Variants in NAT10 observed in about 807,000 individuals in gnomAD.
The protein encoded by NAT10 is N-acetyltransferase 10, also known as RNA cytidine acetyltransferase.
Under a neutral mutation model 132.2 loss-of-function variants are expected in NAT10, and 109 were observed. That is an observed-to-expected ratio of 0.82 (90% CI 0.71 to 0.97). The LOEUF is 0.97. Among genes scored for constraint, NAT10 ranks in the 50% least tolerant of loss-of-function variants. The pLI is 0.00. For missense variants in NAT10, 1,184 were observed against 1,263.4 expected (o/e 0.94, Z 0.95); for synonymous variants, 479 against 478.0 (o/e 1.00, Z -0.03).
Position 34,118,189 on chromosome 11 carries a change from G to T in NAT10, c.567G>T (p.Leu189=). The T allele has an allele frequency of 6.2e-7, 1 of 1,613,710 alleles. No individual in the cohort carries two copies. The highest frequency in any genetic ancestry group is 1.1e-5 in the South Asian group (1 of 91,074). Residue 189 remains leucine, a synonymous_variant, in exon 7 of 29, where the codon CTG becomes CTT. Coordinates refer to ENST00000257829, the MANE Select transcript of NAT10 (RefSeq NM_024662.3). ...VVGRFNERFI[L]SLASCKKCLV... is the part of the protein sequence containing the mutation. ...CGGTTTTGTATCTCAGGTTTATTCT[G>T]TCTCTGGCCTCTTGTAAGAAGTGTC... is the stretch of plus-strand genomic sequence containing the variant.
At chr11:34,141,408 T>TCTCA (rs72268617) in intron 25 of NAT10, among the ~76,000 whole-genome samples, 200 bp downstream of exon 25, 1,718 of 132,924 alleles carry the variant, frequency 0.013, 36 homozygotes, top group East Asian at 0.084. Context: ...TCATCACACA[T>TCTCA]CACACACACA....
intron 4 of NAT10, among the ~76,000 whole-genome samples, chr11:34,112,498 A>G (rs1851713100): frequency 6.6e-6 from 1 of 152,262 alleles, no homozygotes. Context: ...AAGCTGATAA[A>G]GCAAATGCCA....
rs1187837675 is a variant in NAT10 at position 34,110,556 on chromosome 11, T to TC, written c.201-1493dup. Among the ~76,000 whole-genome samples the TC allele has an allele frequency of 2.8e-3, 406 of 144,572 alleles. 1 individual carries two copies. Among genetic ancestry groups the TC allele is most frequent in the African/African-American group, 0.01 (393 of 37,970 alleles). 94.8% of individuals were successfully genotyped at this position (144,572 alleles called of 152,430 possible). On this transcript the variant is annotated intron_variant, in intron 3 of 28. Coordinates refer to ENST00000257829, the MANE Select transcript of NAT10 (RefSeq NM_024662.3). ...TGACTTACGTTCATTTTTTTTTCTT[T>TC]CCCTTTTTTTTTTTTTTTTTTTTTT...
chr11:34,134,731 C>T (rs914436398), intron 18 of NAT10, 145 bp downstream of exon 18: 4 of 428,330 alleles, frequency 9.3e-6, no homozygotes, highest in East Asian at 6.7e-5. Context: ...AGCCAGGGTT[C>T]GGGGTGGGTG....
chr11:34,116,267 T>C (rs146039911), intron 6 of NAT10, among the ~76,000 whole-genome samples: 113 of 152,112 alleles, frequency 7.4e-4, no homozygotes, highest in Middle Eastern at 6.8e-3. Context: ...ATAGTAAAAA[T>C]GATTAAGAGA....
At chr11:34,125,684 C>T (rs972022772) in intron 11 of NAT10, among the ~76,000 whole-genome samples, 3 of 152,162 alleles carry the variant, frequency 2.0e-5, no homozygotes, top group Non-Finnish European at 2.9e-5. Flanking sequence ...CAGGGTTGGC[C>T]GGGCATGGTG....
At chr11:34,115,655 G>A (rs1045654952) in intron 5 of NAT10, among the ~76,000 whole-genome samples, 168 bp from the exon 6 acceptor site, 1 of 152,244 alleles carries the variant, frequency 6.6e-6, no homozygotes, top group African/African-American at 2.4e-5. Context: ...TGCATTCAGT[G>A]TCTGATCCCA....
rs372627828 is a variant in NAT10 at position 34,139,505 on chromosome 11, G to T, written c.2419+10G>T. The T allele has an allele frequency of 1.2e-6, 2 of 1,609,972 alleles. No individual in the cohort carries two copies. The highest frequency in any genetic ancestry group is 1.7e-6 in the Non-Finnish European group (2 of 1,176,184). On this transcript the variant is annotated intron_variant, in intron 23 of 28. Transcript: ENST00000257829. Reference sequence around the variant, plus strand: ...AAGCCAGCCCAGCCTGGTGAGCCGGGTGGGGACAGGGAGGAGGGTTGGGAA... The same window carrying T: ...AAGCCAGCCCAGCCTGGTGAGCCGGTTGGGGACAGGGAGGAGGGTTGGGAA...
intron 25 of NAT10, 114 bp downstream of exon 25, chr11:34,141,322 CA>C: frequency 2.7e-6 from 1 of 365,464 alleles, no homozygotes; most frequent in African/African-American, 4.1e-5. Context: ...TGCATCTCGT[CA>C]CACACACACA....
At chr11:34,119,967 T>C (rs1246544331) in intron 8 of NAT10, among the ~76,000 whole-genome samples, 1 of 152,186 alleles carries the variant, frequency 6.6e-6, no homozygotes, top group African/African-American at 2.4e-5. Flanking sequence ...GAAATGCCTT[T>C]TTCTCTACAC....
At chr11:34,109,631 G>A (rs1314743412) in intron 3 of NAT10, among the ~76,000 whole-genome samples, 4 of 152,202 alleles carry the variant, frequency 2.6e-5, no homozygotes. Flanking sequence ...TGGTAGTCAA[G>A]ACTTTTAGTC....
chr11:34,126,723 G>T (rs1852000101), intron 11 of NAT10, among the ~76,000 whole-genome samples: 1 of 152,150 alleles, frequency 6.6e-6, no homozygotes, highest in Non-Finnish European at 1.5e-5. Flanking sequence ...TATTGTTGAG[G>T]TTGAATATCT....
intron 8 of NAT10, 90 bp from the exon 9 acceptor site, chr11:34,122,369 C>G (rs1851909233): frequency 2.6e-6 from 4 of 1,542,118 alleles, no homozygotes; most frequent in African/African-American, 1.4e-5. Context: ...TTTAGCCTGG[C>G]ATCAACCTCA....
chr11:34,139,094 A>C, intron 21 of NAT10, 97 bp from the exon 22 acceptor site: 1 of 1,159,690 alleles, frequency 8.6e-7, no homozygotes, highest in Admixed American at 1.8e-5. Flanking sequence ...CTGCGGAAGC[A>C]CTAAGCCTTT....
chr11:34,117,023 G>T (rs891616704), intron 6 of NAT10, among the ~76,000 whole-genome samples: 2 of 152,158 alleles, frequency 1.3e-5, no homozygotes, highest in African/African-American at 4.8e-5. Flanking sequence ...GAGCCACCGT[G>T]CCCGATCATA....
At chr11:34,143,581 C>T (rs1483132436) in intron 28 of NAT10, 53 bp downstream of exon 28, 2 of 1,495,522 alleles carry the variant, frequency 1.3e-6, no homozygotes, top group Non-Finnish European at 1.8e-6. Context: ...TCTGGCCTCT[C>T]TGCTTCTCTT....
At chr11:34,122,774 C>T (rs1044191955) in intron 9 of NAT10, among the ~76,000 whole-genome samples, 182 bp downstream of exon 9, 9 of 152,158 alleles carry the variant, frequency 5.9e-5, no homozygotes, top group Admixed American at 5.2e-4. Flanking sequence ...CCCAACCCAC[C>T]CTAAAGGTGC....
Position 34,118,183 on chromosome 11 carries a change from T to G in NAT10, c.561T>G (p.Phe187Leu). The G allele has an allele frequency of 6.2e-7, 1 of 1,613,120 alleles. No individual in the cohort carries two copies. The highest frequency in any genetic ancestry group is 8.5e-7 in the Non-Finnish European group (1 of 1,179,050). ...TTGCAGCGGTTTTGTATCTCAGGTT[T>G]ATTCTGTCTCTGGCCTCTTGTAAGA... ...QDVVGRFNER[F>L]ILSLASCKKC... The change falls in exon 7 of 29, where the codon TTT (phenylalanine) becomes TTG (leucine). Residue 187 changes from phenylalanine to leucine, a missense_variant. By Grantham distance (22) the Phe-to-Leu change is conservative. Coordinates refer to ENST00000257829, the MANE Select transcript of NAT10 (RefSeq NM_024662.3).
Position 34,108,294 on chromosome 11 carries a change from ATC to A in NAT10, c.75_76del (p.Phe26CysfsTer34). On this transcript the variant is annotated frameshift_variant, in exon 2 of 29. Transcript: ENST00000257829. LOFTEE classifies it high-confidence loss of function. ...AGAATGGAGTAGCTGAGCGGCAAAG[ATC>A]TCTCTTTGTTGTAGTTGGGGATCGA... ...IENGVAERQR[S>X]LFVVVGDRGK... 2.5e-6 allele frequency: 4 copies of A among 1,614,140 alleles called. No individual in the cohort carries two copies. The highest frequency in any genetic ancestry group is 3.4e-6 in the Non-Finnish European group (4 of 1,180,010).
Sources: allele counts gnomAD v4.1 joint callset (sites outside exome capture counted in the v4.1 genomes callset), GRCh38; gene constraint gnomAD v4.1.1; transcripts MANE v1.5; gene names NCBI Gene and HGNC (gene_info 2026-07-23, HGNC 2026-07-21).